The following BNC1 variants were observed in gnomAD, a reference collection of about 807,000 sequenced individuals.
The protein encoded by BNC1 is basonuclin zinc finger protein 1, also known as zinc finger protein basonuclin-1.
A neutral mutation model predicts 66.5 loss-of-function variants in BNC1; 8 were observed. That is an observed-to-expected ratio of 0.12 (90% CI 0.07 to 0.22). The LOEUF is 0.22. Among genes scored for constraint, BNC1 ranks in the 10% least tolerant of loss-of-function variants. BNC1 has a pLI of 1.00. For synonymous variants in BNC1, 454 were observed against 452.6 expected (o/e 1.00, Z -0.04); for missense variants, 1,069 against 1,241.3 (o/e 0.86, Z 2.09).
intron 4 of BNC1, among the ~76,000 whole-genome samples, chr15:83,261,649 C>T (rs183810546): frequency 1.1e-4 from 16 of 152,278 alleles, no homozygotes; most frequent in Non-Finnish European, 1.6e-4. Flanking sequence ...TGAAGAAAAG[C>T]ACAAGCAAGA....
chr15:83,257,648 G>C lies in BNC1; in HGVS notation c.2779C>G (p.Pro927Ala). 3 of 1,614,142 alleles carry C rather than the reference G, an allele frequency of 1.9e-6. No homozygotes were observed. The highest frequency in any genetic ancestry group is 2.5e-6 in the Non-Finnish European group (3 of 1,180,030). Residue 927 changes from proline to alanine, a missense_variant, in exon 5 of 5, where the codon CCC becomes GCC. Around this residue, in one of 7 missense-constraint regions of BNC1, gnomAD observed 657 missense variants for 715.8 expected, o/e 0.92. Transcript: ENST00000345382. ...QSLASLPSGL[P>A]ITCHLCQKTY... ...TTTTGGCAGAGATGACAGGTTATGG[G>C]CAACCCAGAAGGCAGGCTAGCAAGG...
At chr15:83,259,419 C>G (rs1230140246) in intron 4 of BNC1, among the ~76,000 whole-genome samples, 1 of 152,168 alleles carries the variant, frequency 6.6e-6, no homozygotes, top group Admixed American at 6.5e-5. Flanking sequence ...GTGTGGGAAG[C>G]TTACTTATGT....
chr15:83,280,159 A>C (rs2038364045), intron 1 of BNC1, among the ~76,000 whole-genome samples: 1 of 152,242 alleles, frequency 6.6e-6, no homozygotes, highest in African/African-American at 2.4e-5. Context: ...AAAAACATGC[A>C]AACACTACCT....
intron 1 of BNC1, among the ~76,000 whole-genome samples, chr15:83,270,698 G>A (rs2038261802): frequency 6.6e-6 from 1 of 151,944 alleles, no homozygotes; most frequent in Non-Finnish European, 1.5e-5. Context: ...TTTTAGTATT[G>A]AGTTATACAA....
chr15:83,265,487 A>AAG (rs1329336619), intron 3 of BNC1, among the ~76,000 whole-genome samples: 1 of 152,242 alleles, frequency 6.6e-6, no homozygotes, highest in Non-Finnish European at 1.5e-5. Flanking sequence ...GAAGATGATG[A>AAG]AGAATGTAAC....
intron 1 of BNC1, among the ~76,000 whole-genome samples, chr15:83,281,054 CTA>C (rs1303435129): frequency 1.3e-5 from 2 of 152,126 alleles, no homozygotes; most frequent in African/African-American, 4.8e-5. Flanking sequence ...CGATAACTAA[CTA>C]TGTGAGGTTT....
chr15:83,266,956 G>T lies in BNC1; in HGVS notation c.315C>A (p.Pro105=). Residue 105 remains proline (P), a synonymous_variant, in exon 3 of 5, where the codon CCC becomes CCA. Transcript: ENST00000345382. The stretch of plus-strand genomic sequence containing the variant: ...GGTCCAGTAGGATTTTTAGGCGAAC[G>T]GGGATGGCCTGGGTCCCATAGAGCA... The part of the protein sequence containing the change: ...SLMLYGTQAI[P]VRLKILLDRL... 1 of 1,614,108 alleles carries T rather than the reference G, an allele frequency of 6.2e-7. No individual in the cohort carries two copies. The highest frequency in any genetic ancestry group is 8.5e-7 in the Non-Finnish European group (1 of 1,179,980).
Position 83,257,215 on chromosome 15 carries a change from CAG to C in BNC1, c.*225_*226del, listed in dbSNP as rs1307279165. The C allele has an allele frequency of 9.2e-5, 53 of 573,786 alleles. No individual in the cohort carries two copies. Among genetic ancestry groups the C allele is most frequent in the Admixed American group, 8.8e-4 (26 of 29,582 alleles). The allele number at this position is 573,786 out of a possible 1,614,324, so 35.5% of individuals were successfully genotyped here. On this transcript the variant is annotated 3_prime_UTR_variant, in exon 5 of 5. Coordinates refer to ENST00000345382, the MANE Select transcript of BNC1 (RefSeq NM_001717.4). ...ACATTTCTGCAAGTTTTCCTTGTATCAGTGAAAGACCTCTTGGGCTAAGAAAA... is the reference window on the plus strand; with the variant it reads ...ACATTTCTGCAAGTTTTCCTTGTATCTGAAAGACCTCTTGGGCTAAGAAAA...
In BNC1 at chr15:83,257,877, C is replaced by T. The variant is rs200519997; in HGVS notation, c.2550G>A (p.Leu850=). ...TCAAATCCAGGATGGTGCCCTCGCT[C>T]AAGGGGCCAGAGTTGTAGCTCTCCA... The part of the protein sequence containing the change: ...ASLESYNSGP[L]SEGTILDLST... Residue 850 remains leucine, a synonymous_variant, in exon 5 of 5, where the codon TTG becomes TTA. Coordinates refer to ENST00000345382, the MANE Select transcript of BNC1 (RefSeq NM_001717.4). 9 of 1,614,124 alleles carry T rather than the reference C, an allele frequency of 5.6e-6. No individual in the cohort carries two copies. The highest frequency in any genetic ancestry group is 7.6e-6 in the Non-Finnish European group (9 of 1,180,008).
In BNC1 at chr15:83,257,883, G is replaced by T. The variant is rs753947820; in HGVS notation, c.2544C>A (p.Gly848=). The T allele has an allele frequency of 1.3e-5, 21 of 1,613,982 alleles. No homozygotes were observed. Among genetic ancestry groups the T allele is most frequent in the Non-Finnish European group, 1.7e-5 (20 of 1,180,002 alleles). Residue 848 remains glycine, a synonymous_variant, in exon 5 of 5, where the codon GGC becomes GGA. Transcript: ENST00000345382. ...CCAGGATGGTGCCCTCGCTCAAGGG[G>T]CCAGAGTTGTAGCTCTCCAGGCTGG... The part of the protein sequence containing the change: ...HSASLESYNS[G]PLSEGTILDL...
chr15:83,264,151 T>C lies in BNC1; in HGVS notation c.1100A>G (p.Tyr367Cys). 3 of 1,614,182 alleles carry C rather than the reference T, an allele frequency of 1.9e-6. No individual in the cohort carries two copies. The highest frequency in any genetic ancestry group is 2.5e-6 in the Non-Finnish European group (3 of 1,180,032). ...VFCTACEKTF[Y>C]DKGTLKIHYN... The stretch of plus-strand genomic sequence containing the variant: ...GTGGATTTTGAGGGTGCCTTTGTCA[T>C]AGAAGGTCTTCTCACATGCAGTGCA... Residue 367 changes from tyrosine (Y) to cysteine (C), a missense_variant, in exon 4 of 5, where the codon TAT becomes TGT. Physicochemically the swap from Tyr to Cys is radical, Grantham distance 194. Coordinates refer to ENST00000345382, the MANE Select transcript of BNC1 (RefSeq NM_001717.4).
Position 83,264,765 on chromosome 15 carries a change from T to C in BNC1, c.486A>G (p.Glu162=), listed in dbSNP as rs1440227452. Residue 162 remains glutamate (E), a synonymous_variant, in exon 4 of 5, where the codon GAA becomes GAG. Coordinates refer to ENST00000345382, the MANE Select transcript of BNC1 (RefSeq NM_001717.4). ...GGAACTGCTGCAAGGTGGCCACTTC[T>C]TCCTCACTGGTCATGATGCTCCAGT... is the stretch of plus-strand genomic sequence containing the variant. ...LDHWSIMTSE[E]EVATLQQFLR... 1 of 1,614,206 alleles carries C rather than the reference T, an allele frequency of 6.2e-7. No individual in the cohort carries two copies. The highest frequency in any genetic ancestry group is 1.3e-5 in the African/African-American group (1 of 75,064).
chr15:83,275,105 C>T (rs184589732), intron 1 of BNC1, among the ~76,000 whole-genome samples: 183 of 152,334 alleles, frequency 1.2e-3, no homozygotes, highest in Non-Finnish European at 2.1e-3. Flanking sequence ...TTGAACAAAA[C>T]TGATAAGGTC....
chr15:83,258,038 G>A lies in BNC1; in HGVS notation c.2389C>T (p.Leu797=). 6.2e-7 allele frequency: 1 copy of A among 1,613,998 alleles called. No individual in the cohort carries two copies. Among genetic ancestry groups the A allele is most frequent in the Non-Finnish European group, 8.5e-7 (1 of 1,179,870 alleles). Residue 797 remains leucine (L), a synonymous_variant, in exon 5 of 5, where the codon CTG becomes TTG. Coordinates refer to ENST00000345382, the MANE Select transcript of BNC1 (RefSeq NM_001717.4). The part of the protein sequence containing the change: ...SEDHFRAAYL[L]KDVAKEAYQD... ...TAGGCTTCCTTAGCCACATCTTTCA[G>A]AAGGTAAGCTGCACGGAAATGATCT... is the stretch of plus-strand genomic sequence containing the variant.
At position 83,263,774 on chromosome 15, in the gene BNC1, G is replaced by A. The variant is rs759909793; in HGVS notation, c.1477C>T (p.Arg493Cys). 20 of 1,614,018 alleles carry A rather than the reference G, an allele frequency of 1.2e-5. No individual in the cohort carries two copies. The highest frequency in any genetic ancestry group is 4.0e-5 in the African/African-American group (3 of 74,922). ...KTVQPVLPFY[R>C]SPATPAEVAN... ...ACCTCGGCAGGCGTGGCTGGACTGC[G>A]GTAGAAAGGAAGGACTGGCTGGACT... The change falls in exon 4 of 5, where the codon CGC becomes TGC. Residue 493 changes from arginine (R) to cysteine (C), a missense_variant. Physicochemically the swap from Arg to Cys is radical, Grantham distance 180. Coordinates refer to ENST00000345382, the MANE Select transcript of BNC1 (RefSeq NM_001717.4).
At chr15:83,266,421 G>A (rs187509387) in intron 3 of BNC1, among the ~76,000 whole-genome samples, 1 of 152,282 alleles carries the variant, frequency 6.6e-6, no homozygotes, top group African/African-American at 2.4e-5. Context: ...AGGAAGGTGT[G>A]CTATGAAATT....
In BNC1 at chr15:83,257,635, T is replaced by A; in HGVS notation, c.2792A>T (p.His931Leu). ...SLPSGLPITCHLCQKTYSNKG... is the reference protein window; with the variant it reads ...SLPSGLPITCLLCQKTYSNKG... ...GTTACTGTATGTCTTTTGGCAGAGA[T>A]GACAGGTTATGGGCAACCCAGAAGG... is the stretch of plus-strand genomic sequence containing the variant. The change falls in exon 5 of 5, where the codon CAT (histidine) becomes CTT (leucine). Residue 931 changes from histidine (H) to leucine (L), a missense_variant. By Grantham distance (99) the His-to-Leu change is moderately conservative. Coordinates refer to ENST00000345382, the MANE Select transcript of BNC1 (RefSeq NM_001717.4). 1.2e-6 allele frequency: 2 copies of A among 1,614,174 alleles called. No homozygotes were observed. Among genetic ancestry groups the A allele is most frequent in the Non-Finnish European group, 1.7e-6 (2 of 1,180,028 alleles).
At position 83,263,604 on chromosome 15, in the gene BNC1, TTCTTTC is replaced by T; in HGVS notation, c.1641_1646del (p.Lys548_Glu549del). The T allele has an allele frequency of 6.2e-7, 1 of 1,614,256 alleles. No individual in the cohort carries two copies. The highest frequency in any genetic ancestry group is 8.5e-7 in the Non-Finnish European group (1 of 1,180,048). On this transcript the variant is annotated inframe_deletion, in exon 4 of 5. Transcript: ENST00000345382. Reference sequence around the variant, plus strand: ...TTTTCTCATTAGCTATTTCCACAGCTTCTTTCTCTATTTTGATAGGCATACTGGACT... The same window carrying T: ...TTTTCTCATTAGCTATTTCCACAGCTTCTATTTTGATAGGCATACTGGACT...
In BNC1 at chr15:83,267,087, G is replaced by C. The variant is rs747548364; in HGVS notation, c.200-16C>G. The C allele has an allele frequency of 1.3e-6, 2 of 1,590,342 alleles. No homozygotes were observed. Among genetic ancestry groups the C allele is most frequent in the Non-Finnish European group, 1.7e-6 (2 of 1,159,760 alleles). On this transcript the variant is annotated splice_polypyrimidine_tract_variant and intron_variant, in intron 2 of 4. Transcript: ENST00000345382. ...TTACTTAGAGCTGAAAAATCAAATTGAGGAAATGTCATTTTGAAAAGTTCT... is the reference window on the plus strand; with the variant it reads ...TTACTTAGAGCTGAAAAATCAAATTCAGGAAATGTCATTTTGAAAAGTTCT...
Sources: gnomAD v4.1 joint callset for allele counts (sites outside exome capture counted in the v4.1 genomes callset) on GRCh38, gnomAD v4.1.1 for gene constraint, gnomAD v4.1.1 regional missense constraint, MANE v1.5 for transcripts, NCBI Gene and HGNC (gene_info 2026-07-23, HGNC 2026-07-21) for gene names.